The following SPAG16 variants were observed in gnomAD, a reference collection of about 807,000 sequenced individuals.
SPAG16 encodes the protein sperm associated antigen 16.
A neutral mutation model predicts 80.4 loss-of-function variants in SPAG16; 86 were observed. That is an observed-to-expected ratio of 1.07 (90% CI 0.90 to 1.28). The LOEUF (loss-of-function observed/expected upper bound fraction) is 1.28, where lower values mean the gene tolerates loss of function less well. Among genes scored for constraint, SPAG16 ranks in the 50% most tolerant of loss-of-function variants. SPAG16 has a pLI of 0.00. For synonymous variants in SPAG16, 294 were observed against 265.9 expected, an observed-to-expected ratio of 1.11 and a Z score of -1.03; for missense variants, 870 against 765.3, an observed-to-expected ratio of 1.14 and a Z score of -1.61.
chr2:214,024,830 T>G lies in SPAG16; in HGVS notation c.1527+10753T>G, dbSNP rs546361042. Among the ~76,000 whole-genome samples the G allele has an allele frequency of 2.0e-5, 3 of 151,720 alleles. No individual in the cohort carries two copies. In the East Asian group the frequency reaches 5.8e-4, roughly 29 times the overall value. On this transcript the variant is annotated intron_variant, in intron 13 of 15. Transcript: ENST00000331683. ...TTGAATTAAATAAGGAATAGGATTG[T>G]CACATATAAATATTGAAGGTAACTT...
intron 2 of SPAG16, 33 bp downstream of exon 2, chr2:213,296,143 A>T: frequency 7.0e-7 from 1 of 1,423,130 alleles, no homozygotes; most frequent in Non-Finnish European, 9.9e-7. Context: ...TTATTCTGTA[A>T]ATTTATTGCA....
chr2:213,978,489 C>G (rs1374827082), intron 12 of SPAG16, among the ~76,000 whole-genome samples: 1 of 152,122 alleles, frequency 6.6e-6, no homozygotes, highest in East Asian at 1.9e-4. Flanking sequence ...CTACCTACTT[C>G]CTATTGCCTG....
intron 10 of SPAG16, among the ~76,000 whole-genome samples, chr2:213,579,060 T>C (rs1374244878): frequency 6.6e-6 from 1 of 152,130 alleles, no homozygotes. Context: ...TTTTAGAGTA[T>C]TTTTATCTTC....
chr2:214,134,163 A>G (rs2054925920), intron 14 of SPAG16, among the ~76,000 whole-genome samples: 1 of 152,202 alleles, frequency 6.6e-6, no homozygotes, highest in Non-Finnish European at 1.5e-5. Flanking sequence ...TTTTGAATCA[A>G]TTCAACACAT....
intron 10 of SPAG16, among the ~76,000 whole-genome samples, chr2:213,734,266 C>T (rs910099685): frequency 2.6e-5 from 4 of 152,158 alleles, no homozygotes; most frequent in Non-Finnish European, 5.9e-5. Context: ...TAGATGGAAA[C>T]TGCCATTTGC....
At chr2:213,707,407 T>A (rs937232665) in intron 10 of SPAG16, among the ~76,000 whole-genome samples, 8 of 152,242 alleles carry the variant, frequency 5.3e-5, no homozygotes, top group African/African-American at 1.7e-4. Context: ...ACTCTTCATG[T>A]CAAGTTATTA....
At chr2:214,029,979 T>C (rs1236491352) in intron 13 of SPAG16, among the ~76,000 whole-genome samples, 1 of 152,108 alleles carries the variant, frequency 6.6e-6, no homozygotes, top group Non-Finnish European at 1.5e-5. Context: ...TGTATTTTAG[T>C]GGTAAGAACA....
At chr2:214,208,562 T>C (rs1291871140) in intron 15 of SPAG16, among the ~76,000 whole-genome samples, 2 of 152,180 alleles carry the variant, frequency 1.3e-5, no homozygotes, top group African/African-American at 4.8e-5. Context: ...TATAATAGTA[T>C]AATAGTTAAA....
chr2:213,567,556 A>G (rs2059818265), intron 10 of SPAG16, among the ~76,000 whole-genome samples: 1 of 112,494 alleles, frequency 8.9e-6, no homozygotes, highest in Non-Finnish European at 1.7e-5. Flanking sequence ...TACAAAGGAT[A>G]TGAACTCATC....
intron 14 of SPAG16, among the ~76,000 whole-genome samples, chr2:214,136,815 C>T (rs1005483330): frequency 3.3e-5 from 5 of 152,126 alleles, no homozygotes; most frequent in African/African-American, 7.2e-5. Context: ...AAGAGACATG[C>T]TAATGTATCA....
At chr2:213,452,176 G>T (rs2071737892) in intron 9 of SPAG16, among the ~76,000 whole-genome samples, 1 of 152,244 alleles carries the variant, frequency 6.6e-6, no homozygotes, top group South Asian at 2.1e-4. Flanking sequence ...TAGAAGAGAG[G>T]TGATTTCTTT....
intron 9 of SPAG16, among the ~76,000 whole-genome samples, chr2:213,408,292 G>C (rs1355129801): frequency 6.6e-6 from 1 of 152,188 alleles, no homozygotes; most frequent in Non-Finnish European, 1.5e-5. Context: ...ACAACCTGTA[G>C]CCTTCCTATA....
intron 10 of SPAG16, among the ~76,000 whole-genome samples, chr2:213,702,115 C>T (rs140073103): frequency 0.031 from 4,647 of 152,148 alleles, 196 homozygotes; most frequent in African/African-American, 0.096. Flanking sequence ...CACCAATCAG[C>T]GCTCTGTGTC....
chr2:213,752,343 A>G (rs1468232149), intron 10 of SPAG16, among the ~76,000 whole-genome samples: 3 of 152,198 alleles, frequency 2.0e-5, no homozygotes, highest in Non-Finnish European at 2.9e-5. Flanking sequence ...AGCTCTAGAA[A>G]TATGATTTTT....
At chr2:213,972,624 AAACCCCCTCACAGATGCACCCAGAAAT>A (rs1282762585) in intron 12 of SPAG16, among the ~76,000 whole-genome samples, 6 of 152,196 alleles carry the variant, frequency 3.9e-5, no homozygotes, top group African/African-American at 1.4e-4. Flanking sequence ...TCTCTTGAGG[AAACCCCCTCACAGATGCACCCAGAAAT>A]AACGTTTTGT....
intron 15 of SPAG16, among the ~76,000 whole-genome samples, chr2:214,177,900 C>CATATATATAT (rs373584812): frequency 1.6e-5 from 1 of 64,006 alleles, no homozygotes; most frequent in East Asian, 4.1e-4. Context: ...TATATATATA[C>CATATATATAT]ATATATATAT....
At chr2:213,649,888 C>T (rs1032273955) in intron 10 of SPAG16, among the ~76,000 whole-genome samples, 17 of 152,106 alleles carry the variant, frequency 1.1e-4, no homozygotes, top group African/African-American at 3.9e-4. Context: ...AGCTAGTTAT[C>T]CAAAACTATG....
intron 10 of SPAG16, among the ~76,000 whole-genome samples, chr2:213,659,381 T>C (rs1161391871): frequency 6.8e-6 from 1 of 147,856 alleles, no homozygotes; most frequent in African/African-American, 2.5e-5. Context: ...ACTCACAGAG[T>C]GGGTTTGCTG....
chr2:214,259,473 CTTTT>C (rs5838423), intron 15 of SPAG16, among the ~76,000 whole-genome samples: 23 of 91,212 alleles, frequency 2.5e-4, no homozygotes, highest in Non-Finnish European at 4.0e-4. Context: ...ACACGTATAG[CTTTT>C]TTTTTTTTTT....
Sources: gnomAD v4.1 joint callset for allele counts (sites outside exome capture counted in the v4.1 genomes callset) on GRCh38, gnomAD v4.1.1 for gene constraint, MANE v1.5 for transcripts, NCBI Gene and HGNC (gene_info 2026-07-23, HGNC 2026-07-21) for gene names.